The following TECRL variants were observed in gnomAD, a reference collection of about 807,000 sequenced individuals.
TECRL encodes trans-2,3-enoyl-CoA reductase-like.
TECRL carries 63 observed loss-of-function variants against 52.8 expected under a neutral mutation model. The ratio of observed to expected loss-of-function variants is 1.19; its 90% CI spans 0.97 to 1.47. TECRL has a LOEUF of 1.47. Among genes scored for constraint, TECRL ranks in the 40% most tolerant of loss-of-function variants. The pLI is 0.00. For missense variants in TECRL, 482 were observed against 429.6 expected, an observed-to-expected ratio of 1.12 and a Z score of -1.08; for synonymous variants, 164 against 141.9, an observed-to-expected ratio of 1.16 and a Z score of -1.10.
intron 8 of TECRL, among the ~76,000 whole-genome samples, chr4:64,293,421 C>T (rs1723501744): frequency 1.3e-5 from 2 of 152,032 alleles, no homozygotes; most frequent in Admixed American, 6.6e-5. Context: ...ATGCAGCATA[C>T]CGTGCTCTAC....
chr4:64,333,994 G>A (rs71610745), intron 2 of TECRL, among the ~76,000 whole-genome samples: 2 of 94,668 alleles, frequency 2.1e-5, no homozygotes, highest in African/African-American at 9.1e-5. Flanking sequence ...ACTGCAGTCC[G>A]CAGTCCGGCC....
At chr4:64,281,111 C>T in intron 10 of TECRL, 25 bp from the exon 11 acceptor site, 1 of 1,571,140 alleles carries the variant, frequency 6.4e-7, no homozygotes, top group Non-Finnish European at 8.7e-7. Context: ...CTTAAATTAG[C>T]ACATACATAA....
intron 1 of TECRL, among the ~76,000 whole-genome samples, chr4:64,398,436 C>T (rs1724117078): frequency 6.6e-6 from 1 of 152,096 alleles, no homozygotes; most frequent in South Asian, 2.1e-4. Context: ...AGTGAGTTCT[C>T]ACAAGATCTG....
At chr4:64,367,328 CCAA>C (rs1721669532) in intron 2 of TECRL, among the ~76,000 whole-genome samples, 2 of 152,012 alleles carry the variant, frequency 1.3e-5, no homozygotes, top group Admixed American at 1.3e-4. Flanking sequence ...TACACCAACC[CCAA>C]CAACAAGCAA....
At chr4:64,358,066 T>G (rs1720898626) in intron 2 of TECRL, among the ~76,000 whole-genome samples, 1 of 150,414 alleles carries the variant, frequency 6.6e-6, no homozygotes, top group South Asian at 2.1e-4. Context: ...TATTAAAAAT[T>G]ACTAGGTCTG....
intron 1 of TECRL, among the ~76,000 whole-genome samples, chr4:64,387,634 C>T (rs565852795): frequency 2.0e-4 from 30 of 152,118 alleles, no homozygotes; most frequent in African/African-American, 6.7e-4. Context: ...TTATCATTTT[C>T]CTGATGACAT....
intron 1 of TECRL, among the ~76,000 whole-genome samples, chr4:64,403,468 C>A (rs1178011906): frequency 1.5e-5 from 2 of 133,016 alleles, no homozygotes; most frequent in Non-Finnish European, 3.3e-5. Flanking sequence ...TTCTTCCCTC[C>A]CTGAGCGCAC....
At position 64,328,653 on chromosome 4, in the gene TECRL, G is replaced by A. The variant is rs1051547462; in HGVS notation, c.287-97C>T. 2.8e-6 allele frequency: 3 copies of A among 1,063,542 alleles called. No individual in the cohort carries two copies. The African/African-American group carries it at 4.8e-5, about 17-fold the overall frequency. 65.9% of individuals were successfully genotyped at this position (1,063,542 alleles called of 1,614,324 possible). Reference sequence around the variant, plus strand: ...TGGGAAGACCATTTAGATCTAGGAAGTAAATAAAATGGGTTATCTAGTGTC... The same window carrying A: ...TGGGAAGACCATTTAGATCTAGGAAATAAATAAAATGGGTTATCTAGTGTC... On this transcript the variant is annotated intron_variant, in intron 2 of 11. Coordinates refer to ENST00000381210, the MANE Select transcript of TECRL (RefSeq NM_001010874.5).
At chr4:64,393,252 A>AG (rs1433952104) in intron 1 of TECRL, among the ~76,000 whole-genome samples, 1 of 152,068 alleles carries the variant, frequency 6.6e-6, no homozygotes, top group African/African-American at 2.4e-5. Context: ...TTGGCAAAAA[A>AG]GGACATGCAT....
At chr4:64,289,840 A>G (rs1723281598) in intron 8 of TECRL, 73 bp from the exon 9 acceptor site, 2 of 946,170 alleles carry the variant, frequency 2.1e-6, no homozygotes, top group Non-Finnish European at 3.0e-6. Context: ...TTCTAGAGTT[A>G]TATAAAATCT....
intron 1 of TECRL, among the ~76,000 whole-genome samples, chr4:64,401,242 C>G (rs1724340820): frequency 6.6e-6 from 1 of 152,228 alleles, no homozygotes; most frequent in African/African-American, 2.4e-5. Context: ...ATCAGGCCCT[C>G]TCTGATCAGC....
downstream of TECRL, chr4:64,277,630 C>CAT (rs1722618672): frequency 6.6e-6 from 1 of 151,780 alleles, no homozygotes; most frequent in Non-Finnish European, 1.5e-5. Flanking sequence ...TATATTGTCA[C>CAT]ATATATATAG....
intron 8 of TECRL, among the ~76,000 whole-genome samples, chr4:64,297,797 T>A (rs1395172342): frequency 5.3e-5 from 8 of 151,114 alleles, no homozygotes; most frequent in Middle Eastern, 4.2e-3. Flanking sequence ...CTCAATCAAC[T>A]GGTTATTGTT....
chr4:64,288,425 G>C (rs145705595), intron 9 of TECRL, among the ~76,000 whole-genome samples: 2 of 152,150 alleles, frequency 1.3e-5, no homozygotes, highest in African/African-American at 4.8e-5. Flanking sequence ...CAGTCCTCAG[G>C]CATTTGAAGC....
intron 2 of TECRL, among the ~76,000 whole-genome samples, chr4:64,354,901 C>T (rs531335350): frequency 6.6e-6 from 1 of 152,000 alleles, no homozygotes; most frequent in Non-Finnish European, 1.5e-5. Flanking sequence ...TCAGTTTTAA[C>T]TAGTGAAAAG....
At chr4:64,343,519 A>C (rs1199477029) in intron 2 of TECRL, among the ~76,000 whole-genome samples, 1 of 152,042 alleles carries the variant, frequency 6.6e-6, no homozygotes, top group East Asian at 1.9e-4. Context: ...ATTTATCATG[A>C]TATCCCTCAA....
intron 2 of TECRL, among the ~76,000 whole-genome samples, chr4:64,337,819 G>A (rs1719222892): frequency 6.6e-6 from 1 of 152,166 alleles, no homozygotes; most frequent in Non-Finnish European, 1.5e-5. Context: ...CATGCTCATG[G>A]ATAGGAAGAA....
chr4:64,316,379 A>AT (rs1239164575), intron 4 of TECRL, among the ~76,000 whole-genome samples: 1 of 152,092 alleles, frequency 6.6e-6, no homozygotes, highest in Non-Finnish European at 1.5e-5. Context: ...TATAAAGAAT[A>AT]TTTTTCTGCT....
intron 2 of TECRL, among the ~76,000 whole-genome samples, chr4:64,372,739 T>C (rs1722063204): frequency 6.6e-6 from 1 of 151,570 alleles, no homozygotes; most frequent in Non-Finnish European, 1.5e-5. Context: ...AAATAATGTC[T>C]TCTGATAACA....
Sources: allele counts gnomAD v4.1 joint callset (sites outside exome capture counted in the v4.1 genomes callset), GRCh38; gene constraint gnomAD v4.1.1; transcripts MANE v1.5; gene names NCBI Gene and HGNC (gene_info 2026-07-23, HGNC 2026-07-21).